Variants in CNTN3 observed in about 807,000 individuals in gnomAD.
CNTN3 encodes the protein contactin-3.
Under a neutral mutation model 119.1 loss-of-function variants are expected in CNTN3, and 60 were observed. That is an observed-to-expected ratio of 0.50 (90% CI 0.41 to 0.62). The LOEUF (loss-of-function observed/expected upper bound fraction) is 0.62, where lower values mean the gene tolerates loss of function less well. CNTN3 is among the 20% of genes least tolerant of loss of function. CNTN3 has a pLI of 0.00. For synonymous variants in CNTN3, 450 were observed against 438.7 expected (o/e 1.03, Z -0.32); for missense variants, 1,101 against 1,242.4 (o/e 0.89, Z 1.71).
chr3:74,457,634 T>A (rs1263371417), intron 4 of CNTN3, among the ~76,000 whole-genome samples: 1 of 152,056 alleles, frequency 6.6e-6, no homozygotes, highest in African/African-American at 2.4e-5. Context: ...TTTACTGTGA[T>A]TCATCACGTG....
intron 4 of CNTN3, among the ~76,000 whole-genome samples, chr3:74,451,435 T>C (rs1364344840): frequency 6.6e-6 from 1 of 152,166 alleles, no homozygotes; most frequent in East Asian, 1.9e-4. Flanking sequence ...GATGAGTAGG[T>C]TGTGAAAATT....
intron 4 of CNTN3, among the ~76,000 whole-genome samples, chr3:74,459,629 A>G (rs1211048443): frequency 6.6e-6 from 1 of 151,958 alleles, no homozygotes; most frequent in Non-Finnish European, 1.5e-5. Context: ...AAGGCTTTGT[A>G]CATGCTGTGC....
intron 3 of CNTN3, among the ~76,000 whole-genome samples, chr3:74,498,777 A>G (rs1471677767): frequency 6.6e-6 from 1 of 151,784 alleles, no homozygotes. Context: ...TTGTCAAGAA[A>G]ACTAATAGTG....
chr3:74,331,662 C>T (rs1703267713), intron 13 of CNTN3, among the ~76,000 whole-genome samples: 1 of 152,186 alleles, frequency 6.6e-6, no homozygotes, highest in African/African-American at 2.4e-5. Flanking sequence ...TTGAACTTTT[C>T]TTGGCAAACA....
chr3:74,484,025 T>A (rs1329644107), intron 4 of CNTN3, among the ~76,000 whole-genome samples: 2 of 152,170 alleles, frequency 1.3e-5, no homozygotes, highest in African/African-American at 4.8e-5. Context: ...TATTTCTTCA[T>A]ATGTTATCAG....
rs369147214 is a variant in CNTN3, at chr3:74,415,157, G to A, written c.454+9688C>T. 3.3e-5 allele frequency among the ~76,000 whole-genome samples: 5 copies of A among 152,178 alleles called. No individual in the cohort carries two copies. In the South Asian group the frequency reaches 8.3e-4, roughly 25 times the overall value. On this transcript the variant is annotated intron_variant, in intron 5 of 22. Transcript: ENST00000263665. Reference sequence around the variant, plus strand: ...GGAATCAGAGCAAGAAGACTCGTACGTCTTTAGAGTGAGAAAGAATGATTT... The same window carrying A: ...GGAATCAGAGCAAGAAGACTCGTACATCTTTAGAGTGAGAAAGAATGATTT...
chr3:74,599,305 T>A (rs537506295), intron 1 of CNTN3, among the ~76,000 whole-genome samples: 6 of 152,036 alleles, frequency 3.9e-5, no homozygotes, highest in Non-Finnish European at 7.4e-5. Context: ...ATAAGGGTAA[T>A]GAGTGATAAA....
chr3:74,301,105 G>A (rs1193004436), intron 16 of CNTN3, among the ~76,000 whole-genome samples: 3 of 152,102 alleles, frequency 2.0e-5, no homozygotes, highest in South Asian at 2.1e-4. Context: ...TGTTAACAGG[G>A]TAACTATGTC....
In CNTN3 at chr3:74,319,360, C is replaced by T. The variant is rs557948449; in HGVS notation, c.1668+15375G>A. ...AGAACAGAGCCCTCAGAAATAATGC[C>T]GCATATCTACAACCATCTGATCTTT... On this transcript the variant is annotated intron_variant, in intron 13 of 22. Transcript: ENST00000263665. Among the ~76,000 whole-genome samples, 194 of 152,174 alleles carry T rather than the reference C, an allele frequency of 1.3e-3. 1 individual carries two copies. Among genetic ancestry groups the T allele is most frequent in the African/African-American group, 9.2e-4 (38 of 41,494 alleles).
At chr3:74,394,282 ATAGT>A (rs969916048) in intron 5 of CNTN3, among the ~76,000 whole-genome samples, 6 of 152,200 alleles carry the variant, frequency 3.9e-5, no homozygotes, top group African/African-American at 1.4e-4. Context: ...GAAATAATAT[ATAGT>A]GAGTCTCAAT....
intron 11 of CNTN3, among the ~76,000 whole-genome samples, chr3:74,355,706 C>A (rs960817839): frequency 6.6e-6 from 1 of 151,998 alleles, no homozygotes; most frequent in Non-Finnish European, 1.5e-5. Context: ...CGACGTGCCT[C>A]GGCCTCCCAA....
At chr3:74,350,416 G>A (rs530813289) in intron 11 of CNTN3, among the ~76,000 whole-genome samples, 231 of 152,182 alleles carry the variant, frequency 1.5e-3, no homozygotes, top group African/African-American at 5.2e-3. Flanking sequence ...AGAAAGTCAA[G>A]ACATAACAGA....
At position 74,286,398 on chromosome 3, in the gene CNTN3, TA is replaced by T. The variant is rs1024354378; in HGVS notation, c.2518-908del. Among the ~76,000 whole-genome samples the T allele has an allele frequency of 7.2e-5, 11 of 151,900 alleles. No individual in the cohort carries two copies. In the South Asian group the frequency reaches 2.3e-3, roughly 32 times the overall value. ...ATCTACTATGCAATGACAGAAGATT[TA>T]AAAAAAATCAGATTTGAAAAATAAT... On this transcript the variant is annotated intron_variant, in intron 19 of 22. Transcript: ENST00000263665.
chr3:74,303,218 G>T (rs932017328), intron 13 of CNTN3, among the ~76,000 whole-genome samples: 1 of 152,106 alleles, frequency 6.6e-6, no homozygotes, highest in Admixed American at 6.6e-5. Flanking sequence ...ACACATGTGG[G>T]TATCTAGTGG....
At chr3:74,435,045 C>T (rs1701843599) in intron 4 of CNTN3, among the ~76,000 whole-genome samples, 1 of 152,198 alleles carries the variant, frequency 6.6e-6, no homozygotes, top group Non-Finnish European at 1.5e-5. Flanking sequence ...ACCAGTTTGG[C>T]TCTTTCTTTT....
intron 4 of CNTN3, among the ~76,000 whole-genome samples, chr3:74,470,141 T>C (rs983254374): frequency 2.6e-5 from 4 of 152,058 alleles, no homozygotes; most frequent in Admixed American, 2.6e-4. Context: ...AAACCCATAA[T>C]ACAGAAAGTA....
At chr3:74,400,607 A>G (rs1444150643) in intron 5 of CNTN3, among the ~76,000 whole-genome samples, 1 of 152,156 alleles carries the variant, frequency 6.6e-6, no homozygotes, top group African/African-American at 2.4e-5. Context: ...GTGATCAACA[A>G]TTCTCTGCAA....
intron 13 of CNTN3, among the ~76,000 whole-genome samples, chr3:74,313,452 A>C (rs929744458): frequency 6.6e-6 from 1 of 152,226 alleles, no homozygotes; most frequent in African/African-American, 2.4e-5. Context: ...TTAAAAAAAA[A>C]ATTTTGTAAA....
chr3:74,514,092 T>C (rs553434774), intron 2 of CNTN3, among the ~76,000 whole-genome samples: 3 of 152,164 alleles, frequency 2.0e-5, no homozygotes, highest in East Asian at 3.9e-4. Flanking sequence ...TCAAAACTAA[T>C]AGAACATTGA....
Sources: gnomAD v4.1 joint callset for allele counts (sites outside exome capture counted in the v4.1 genomes callset) on GRCh38, gnomAD v4.1.1 for gene constraint, MANE v1.5 for transcripts, NCBI Gene and HGNC (gene_info 2026-07-23, HGNC 2026-07-21) for gene names.